Variants in VWA5A observed in about 807,000 individuals in gnomAD.
VWA5A encodes von Willebrand factor A domain-containing protein 5A.
VWA5A carries 77 observed loss-of-function variants against 84.6 expected under a neutral mutation model. That is an observed-to-expected ratio of 0.91 (90% CI 0.76 to 1.10). VWA5A has a LOEUF of 1.10. Among genes scored for constraint, VWA5A ranks in the 50% least tolerant of loss-of-function variants. The pLI is 0.00. For synonymous variants in VWA5A, 334 were observed against 350.1 expected (o/e 0.95, Z 0.51); for missense variants, 973 against 963.0 (o/e 1.01, Z -0.14).
At chr11:124,116,711 C>G (rs559953160) in intron 2 of VWA5A, 31 bp downstream of exon 2, 21 of 152,220 alleles carry the variant, frequency 1.4e-4, no homozygotes, top group Admixed American at 1.3e-3. Context: ...CAGTTTTTAT[C>G]CAATTTCTCA....
At chr11:124,136,721 CTT>C (rs1860595914) in intron 14 of VWA5A, 47 bp downstream of exon 14, 2 of 1,215,518 alleles carry the variant, frequency 1.6e-6, no homozygotes, top group African/African-American at 1.8e-5. Flanking sequence ...TCCTTCCTTC[CTT>C]CCTTCCTTCC....
chr11:124,131,423 G>T (rs190370522), intron 11 of VWA5A, among the ~76,000 whole-genome samples: 4 of 151,920 alleles, frequency 2.6e-5, no homozygotes, highest in African/African-American at 4.8e-5. Context: ...GCAGTGGACC[G>T]CACATAACTG....
chr11:124,115,487 G>C lies in VWA5A; in HGVS notation c.-131+5G>C, dbSNP rs930547085. 6.6e-6 allele frequency: 1 copy of C among 152,156 alleles called. No individual in the cohort carries two copies. Among genetic ancestry groups the C allele is most frequent in the African/African-American group, 2.4e-5 (1 of 41,410 alleles). 9.4% of individuals were successfully genotyped at this position (152,156 alleles called of 1,614,324 possible). ...TCCGGGCTGCAGGAGAGGAAGGTAG[G>C]GGACCAAGCTACCGGTGCAGGGCCT... On this transcript the variant is annotated splice_donor_5th_base_variant and intron_variant, in intron 1 of 18. Transcript: ENST00000456829.
chr11:124,132,541 T>C (rs1279614547), intron 11 of VWA5A, among the ~76,000 whole-genome samples: 2 of 152,138 alleles, frequency 1.3e-5, no homozygotes, highest in East Asian at 3.8e-4. Flanking sequence ...TGCATGAAAT[T>C]GTCCATGATA....
chr11:124,126,909 A>G (rs1348982634), intron 11 of VWA5A, among the ~76,000 whole-genome samples: 2 of 152,230 alleles, frequency 1.3e-5, no homozygotes, highest in East Asian at 1.9e-4. Flanking sequence ...ATAAACACTT[A>G]TGCACTCATC....
Position 124,123,776 on chromosome 11 carries a change from G to C in VWA5A, c.1136G>C (p.Gly379Ala). 2 of 1,596,224 alleles carry C rather than the reference G, an allele frequency of 1.3e-6. No homozygotes were observed. The highest frequency in any genetic ancestry group is 2.3e-5 in the South Asian group (2 of 87,474). Residue 379 changes from glycine to alanine, a missense_variant, in exon 10 of 19, where the codon GGA becomes GCA. Coordinates refer to ENST00000456829, the MANE Select transcript of VWA5A (RefSeq NM_001130142.2). Reference protein sequence around the residue: ...ILAPLQNIYRGPSIPGHPLQL... With the variant: ...ILAPLQNIYRAPSIPGHPLQL... ...GCACCACTCCAGAACATTTACAGGG[G>C]ACCCTCCATCCCAGGCCACCCCCTA...
At chr11:124,141,017 G>A (rs1860716742) in intron 15 of VWA5A, among the ~76,000 whole-genome samples, 1 of 152,172 alleles carries the variant, frequency 6.6e-6, no homozygotes, top group Non-Finnish European at 1.5e-5. Context: ...TTTGCATTAG[G>A]GTATTTTATA....
At chr11:124,122,630 T>C (rs1864948728) in intron 7 of VWA5A, among the ~76,000 whole-genome samples, 1 of 152,242 alleles carries the variant, frequency 6.6e-6, no homozygotes, top group Non-Finnish European at 1.5e-5. Flanking sequence ...CTGATTCTTT[T>C]GGCAAATGCT....
rs929137368 is a variant in VWA5A at position 124,116,699 on chromosome 11, C to G, written c.-16+19C>G. ...TCGAATTGTGAGTCATTTTGCCACA[C>G]TCAGTTTTTATCCAATTTCTCAAAA... On this transcript the variant is annotated intron_variant, in intron 2 of 18. Transcript: ENST00000456829. 1 of 152,200 alleles carries G rather than the reference C, an allele frequency of 6.6e-6. No homozygotes were observed. The highest frequency in any genetic ancestry group is 1.5e-5 in the Non-Finnish European group (1 of 68,052). The allele number at this position is 152,200 out of a possible 1,614,324, so 9.4% of individuals were successfully genotyped here.
Position 124,135,034 on chromosome 11 carries a change from G to C in VWA5A, c.1359G>C (p.Lys453Asn), listed in dbSNP as rs758407917. 6.2e-7 allele frequency: 1 copy of C among 1,611,998 alleles called. No homozygotes were observed. The highest frequency in any genetic ancestry group is 8.5e-7 in the Non-Finnish European group (1 of 1,178,936). ...FITGKDRMQS[K>N]ALRTLKRSLQ... ...CAGGCAAAGACAGGATGCAGTCCAA[G>C]GTGAGGGACAGACTGACTGTGTCTG... The change falls in exon 12 of 19, where the codon AAG becomes AAC. Residue 453 changes from lysine (K) to asparagine (N), a missense_variant and splice_region_variant. Coordinates refer to ENST00000456829, the MANE Select transcript of VWA5A (RefSeq NM_001130142.2).
At chr11:124,141,543 T>C in intron 15 of VWA5A, 55 bp from the exon 16 acceptor site, 1 of 1,600,336 alleles carries the variant, frequency 6.2e-7, no homozygotes, top group Non-Finnish European at 8.5e-7. Context: ...TCACAGTCCT[T>C]TGCCCACTGC....
At position 124,117,868 on chromosome 11, in the gene VWA5A, A is replaced by G. The variant is rs1439777218; in HGVS notation, c.239A>G (p.Lys80Arg). 1.2e-6 allele frequency: 2 copies of G among 1,614,238 alleles called. No individual in the cohort carries two copies. Among genetic ancestry groups the G allele is most frequent in the African/African-American group, 1.3e-5 (1 of 75,064 alleles). ...GKKIVAELQD[K>R]MKARTNYEKA... ...AAAATTGTAGCAGAATTACAAGACA[A>G]GATGAAGGTAGTAGAGATTACCTCC... The change falls in exon 4 of 19, where the codon AAG becomes AGG. Residue 80 changes from lysine (K) to arginine (R), a missense_variant. Coordinates refer to ENST00000456829, the MANE Select transcript of VWA5A (RefSeq NM_001130142.2).
intron 12 of VWA5A, among the ~76,000 whole-genome samples, chr11:124,135,715 AG>A (rs1185946035): frequency 6.7e-6 from 1 of 150,124 alleles, no homozygotes; most frequent in Non-Finnish European, 1.5e-5. Flanking sequence ...TATTTTTAGT[AG>A]AGACGGGGTT....
Position 124,142,460 on chromosome 11 carries a change from T to C in VWA5A, c.2042T>C (p.Leu681Pro), listed in dbSNP as rs868790924. ...CTCAAAGGCTTTGGAGAGAATCACC[T>C]TGTGCAGCTGATTTACCACCAAAAT... is the stretch of plus-strand genomic sequence containing the variant. Reference protein sequence around the residue: ...QHSPGFGENHLVQLIYHQNAN... With the variant: ...QHSPGFGENHPVQLIYHQNAN... Residue 681 changes from leucine to proline, a missense_variant, in exon 17 of 19, where the codon CTT becomes CCT. Leu to Pro is a moderately conservative substitution (Grantham distance 98). Coordinates refer to ENST00000456829, the MANE Select transcript of VWA5A (RefSeq NM_001130142.2). 2 of 1,614,118 alleles carry C rather than the reference T, an allele frequency of 1.2e-6. No homozygotes were observed. The highest frequency in any genetic ancestry group is 2.2e-5 in the East Asian group (1 of 44,900).
chr11:124,118,479 G>A lies in VWA5A; in HGVS notation c.470-54G>A, dbSNP rs181492005. 173 of 1,611,678 alleles carry A rather than the reference G, an allele frequency of 1.1e-4. 1 individual carries two copies. In the Middle Eastern group the frequency reaches 1.5e-3, roughly 14 times the overall value. ...AATGGGGAAATTTTCTTAAGGTTGA[G>A]AGTGTCATAAAAAGTGTTGGCAAGG... On this transcript the variant is annotated intron_variant, in intron 5 of 18. Transcript: ENST00000456829.
At chr11:124,124,738 G>A in intron 11 of VWA5A, 1 of 190,160 alleles carries the variant, frequency 5.3e-6, no homozygotes, top group Non-Finnish European at 9.8e-6. Context: ...TTTCCATCAT[G>A]TCCTATTCCC....
In VWA5A at chr11:124,146,198, T is replaced by C. The variant is rs1860819953; in HGVS notation, c.*253T>C. ...CCCTTTCTTGAGGGAGTTCAAAACATTCATAGGCAGTAATGTTCCTCCCAG... is the reference window on the plus strand; with the variant it reads ...CCCTTTCTTGAGGGAGTTCAAAACACTCATAGGCAGTAATGTTCCTCCCAG... On this transcript the variant is annotated 3_prime_UTR_variant, in exon 19 of 19. Transcript: ENST00000456829. 1.4e-5 allele frequency: 5 copies of C among 347,162 alleles called. No individual in the cohort carries two copies. Among genetic ancestry groups the C allele is most frequent in the Non-Finnish European group, 2.6e-5 (5 of 190,216 alleles). The allele number at this position is 347,162 out of a possible 1,614,324, so 21.5% of individuals were successfully genotyped here.
chr11:124,118,959 C>T lies in VWA5A; in HGVS notation c.646-16C>T. ...TTATGATTCTAATGTGGCTCCTTTA[C>T]CTGTCCTCCACTCAGGTTTCCCTGG... On this transcript the variant is annotated splice_polypyrimidine_tract_variant and intron_variant, in intron 6 of 18. Coordinates refer to ENST00000456829, the MANE Select transcript of VWA5A (RefSeq NM_001130142.2). The T allele has an allele frequency of 6.2e-7, 1 of 1,612,148 alleles. No individual in the cohort carries two copies.
At chr11:124,123,589 T>C in intron 9 of VWA5A, 71 bp from the exon 10 acceptor site, 2 of 1,612,956 alleles carry the variant, frequency 1.2e-6, no homozygotes, top group Non-Finnish European at 1.7e-6. Flanking sequence ...TGGGGGTTTC[T>C]CAATTCAGGG....
Sources: gnomAD v4.1 joint callset for allele counts (sites outside exome capture counted in the v4.1 genomes callset) on GRCh38, gnomAD v4.1.1 for gene constraint, MANE v1.5 for transcripts, NCBI Gene and HGNC (gene_info 2026-07-23, HGNC 2026-07-21) for gene names.